SH3RF3: variants seen among roughly 807,000 people sequenced by gnomAD.
SH3RF3 encodes E3 ubiquitin-protein ligase SH3RF3.
A neutral mutation model predicts 66.3 loss-of-function variants in SH3RF3; 29 were observed. The observed-to-expected ratio is 0.44, with a 90% CI of 0.33 to 0.60. The LOEUF (loss-of-function observed/expected upper bound fraction) is 0.60, where lower values mean the gene tolerates loss of function less well. Among genes scored for constraint, SH3RF3 ranks in the 20% least tolerant of loss-of-function variants. The pLI, the probability that SH3RF3 is intolerant of heterozygous loss-of-function variation, is 0.04. For synonymous variants in SH3RF3, 583 were observed against 532.0 expected, an observed-to-expected ratio of 1.10 and a Z score of -1.32; for missense variants, 1,194 against 1,190.9, an observed-to-expected ratio of 1.00 and a Z score of -0.04.
chr2:109,298,812 C>T (rs558079937), intron 1 of SH3RF3, among the ~76,000 whole-genome samples: 3 of 152,300 alleles, frequency 2.0e-5, no homozygotes, highest in African/African-American at 7.2e-5. Context: ...GACAGAGCTG[C>T]CACCAGAGGG....
At chr2:109,133,722 ATTTTT>A (rs35011575) in intron 1 of SH3RF3, among the ~76,000 whole-genome samples, 2 of 128,850 alleles carry the variant, frequency 1.6e-5, no homozygotes, top group African/African-American at 2.7e-5. Context: ...CCAAGGGACA[ATTTTT>A]TTTTTTTTTT....
chr2:109,248,865 TTTTCC>T (rs1333431231), intron 1 of SH3RF3, among the ~76,000 whole-genome samples: 1 of 133,168 alleles, frequency 7.5e-6, no homozygotes, highest in Admixed American at 7.6e-5. Context: ...TTCCTTTCCT[TTTTCC>T]TTTCCTTTCC....
chr2:109,223,968 C>G (rs1358695778), intron 1 of SH3RF3, among the ~76,000 whole-genome samples: 1 of 152,186 alleles, frequency 6.6e-6, no homozygotes, highest in Admixed American at 6.5e-5. Context: ...TGCCACTGCA[C>G]TCCAGCCTAG....
intron 1 of SH3RF3, among the ~76,000 whole-genome samples, chr2:109,276,149 C>T (rs892607056): frequency 6.6e-6 from 1 of 152,122 alleles, no homozygotes; most frequent in Admixed American, 6.6e-5. Flanking sequence ...CACGAGGGTT[C>T]GAGTTAGGAG....
At chr2:109,259,080 C>A (rs1469932158) in intron 1 of SH3RF3, among the ~76,000 whole-genome samples, 1 of 152,262 alleles carries the variant, frequency 6.6e-6, no homozygotes, top group East Asian at 1.9e-4. Flanking sequence ...CATTTGGCTT[C>A]ATCAGAGAGT....
rs1678606432 is a variant in SH3RF3 at position 109,199,607 on chromosome 2, TGGAA to T, written c.573+69495_573+69498del. ...TGGAATGGAATGGAATGGAATGGAATGGAATGGAATGGAATGGAATGGAATGGAA... is the reference window on the plus strand; with the variant it reads ...TGGAATGGAATGGAATGGAATGGAATTGGAATGGAATGGAATGGAATGGAA... On this transcript the variant is annotated intron_variant, in intron 1 of 9. Coordinates refer to ENST00000309415, the MANE Select transcript of SH3RF3 (RefSeq NM_001099289.3). 7.2e-3 allele frequency among the ~76,000 whole-genome samples: 2 copies of T among 276 alleles called. 1 individual carries two copies. The highest frequency in any genetic ancestry group is 0.023 in the African/African-American group (2 of 86). The allele number at this position is 276 out of a possible 152,430, so 0.2% of individuals were successfully genotyped here.
chr2:109,177,552 G>GA (rs1402365526), intron 1 of SH3RF3, among the ~76,000 whole-genome samples: 8 of 152,052 alleles, frequency 5.3e-5, no homozygotes, highest in Admixed American at 1.3e-4. Flanking sequence ...CCTGCTCTGG[G>GA]GGGGGGCACC....
chr2:109,464,339 C>G (rs2104696776), intron 8 of SH3RF3, among the ~76,000 whole-genome samples: 1 of 152,316 alleles, frequency 6.6e-6, no homozygotes, highest in South Asian at 2.1e-4. Flanking sequence ...TGAACACATA[C>G]AAATAACATT....
intron 8 of SH3RF3, among the ~76,000 whole-genome samples, chr2:109,470,596 G>A (rs1678478727): frequency 6.6e-6 from 1 of 152,242 alleles, no homozygotes; most frequent in African/African-American, 2.4e-5. Flanking sequence ...GCAGTCTGGA[G>A]GAGGACAGGC....
intron 1 of SH3RF3, among the ~76,000 whole-genome samples, chr2:109,253,007 T>C (rs1196213344): frequency 1.3e-5 from 2 of 152,134 alleles, no homozygotes; most frequent in South Asian, 4.1e-4. Flanking sequence ...TAGACCCACA[T>C]GTGTAGCCTT....
intron 3 of SH3RF3, among the ~76,000 whole-genome samples, chr2:109,382,208 G>A (rs756462863): frequency 2.6e-5 from 4 of 152,196 alleles, no homozygotes; most frequent in Non-Finnish European, 5.9e-5. Context: ...CAGGAATTTA[G>A]GAAGTTACCA....
chr2:109,442,658 T>C (rs1677602411), intron 7 of SH3RF3, among the ~76,000 whole-genome samples: 1 of 152,156 alleles, frequency 6.6e-6, no homozygotes, highest in Non-Finnish European at 1.5e-5. Flanking sequence ...TATGAAATCA[T>C]TTGTAAATGA....
At chr2:109,137,129 T>G (rs1457056657) in intron 1 of SH3RF3, among the ~76,000 whole-genome samples, 6 of 152,236 alleles carry the variant, frequency 3.9e-5, no homozygotes, top group African/African-American at 1.4e-4. Context: ...GAGGAAAACA[T>G]GTGTCTATAT....
rs1574464780 is a variant in SH3RF3 at position 109,129,897 on chromosome 2, C to T, written c.357C>T (p.Asp119=). Residue 119 remains aspartate (D), a synonymous_variant, in exon 1 of 10, where the codon GAC becomes GAT. Transcript: ENST00000309415. The stretch of plus-strand genomic sequence containing the variant: ...ACATCTTGCTGGTGCGACTGCTGGA[C>T]GGCATCCGTCAGCGGCCCCGCGCGG... ...PANILLVRLL[D]GIRQRPRAGT... is the part of the protein sequence containing the mutation. 2 of 1,511,146 alleles carry T rather than the reference C, an allele frequency of 1.3e-6. No individual in the cohort carries two copies. The highest frequency in any genetic ancestry group is 2.7e-5 in the East Asian group (1 of 37,654). The allele number at this position is 1,511,146 out of a possible 1,614,324, so 93.6% of individuals were successfully genotyped here. A position where few individuals can be genotyped will look rare whatever the true frequency, so the allele number is the denominator to read the frequency against.
intron 1 of SH3RF3, among the ~76,000 whole-genome samples, chr2:109,194,711 C>G (rs767314897): frequency 7.9e-5 from 12 of 152,150 alleles, no homozygotes; most frequent in Non-Finnish European, 1.5e-4. Context: ...TTCATTCCCT[C>G]CACCCTAAAC....
At chr2:109,360,996 C>T (rs993109175) in intron 2 of SH3RF3, among the ~76,000 whole-genome samples, 8 of 152,104 alleles carry the variant, frequency 5.3e-5, no homozygotes, top group African/African-American at 1.2e-4. Context: ...TGAAGAAGTT[C>T]CCCTCTATTT....
chr2:109,241,858 C>T (rs551774657), intron 1 of SH3RF3, among the ~76,000 whole-genome samples: 26 of 151,860 alleles, frequency 1.7e-4, no homozygotes, highest in South Asian at 1.0e-3. Context: ...CTCCGCCTCC[C>T]GGGTTCACGC....
At position 109,314,066 on chromosome 2, in the gene SH3RF3, G is replaced by A. The variant is rs563744048; in HGVS notation, c.574-33608G>A. Among the ~76,000 whole-genome samples, 40 of 152,228 alleles carry A rather than the reference G, an allele frequency of 2.6e-4. No individual in the cohort carries two copies. The South Asian group carries it at 7.5e-3, about 28-fold the overall frequency. On this transcript the variant is annotated intron_variant, in intron 1 of 9. Transcript: ENST00000309415. ...GAAGAGGCTATGGGGGAAGAGAGGG[G>A]CCGTGAGACCCGGGGCAAGTGTGGA... is the stretch of plus-strand genomic sequence containing the variant.
intron 3 of SH3RF3, among the ~76,000 whole-genome samples, chr2:109,385,006 C>T (rs1039410169): frequency 1.3e-5 from 2 of 152,244 alleles, no homozygotes; most frequent in African/African-American, 4.8e-5. Flanking sequence ...CCTGTGGGTC[C>T]ACCCAGCCTC....
Sources: allele counts gnomAD v4.1 joint callset (sites outside exome capture counted in the v4.1 genomes callset), GRCh38; gene constraint gnomAD v4.1.1; transcripts MANE v1.5; gene names NCBI Gene and HGNC (gene_info 2026-07-23, HGNC 2026-07-21).